The following SBK1 variants were observed in gnomAD, a reference collection of about 807,000 sequenced individuals.
SBK1 encodes the protein SH3 domain binding kinase 1.
A neutral mutation model predicts 24.4 loss-of-function variants in SBK1; 11 were observed. The ratio of observed to expected loss-of-function variants is 0.45; its 90% CI spans 0.28 to 0.75. The LOEUF is 0.75. Ranked by LOEUF, SBK1 falls within the 30% of genes least tolerant of loss-of-function variation. SBK1 has a pLI of 0.12. For missense variants in SBK1, 467 were observed against 620.5 expected, an observed-to-expected ratio of 0.75 and a Z score of 2.63; for synonymous variants, 308 against 284.4, an observed-to-expected ratio of 1.08 and a Z score of -0.83.
At chr16:28,263,615 T>A (rs974907196) in intron 1 of SBK1, among the ~76,000 whole-genome samples, 1 of 152,172 alleles carries the variant, frequency 6.6e-6, no homozygotes, top group African/African-American at 2.4e-5. Context: ...TTGGCACCCA[T>A]GGCGAGGAGA....
In SBK1 at chr16:28,320,991, A is replaced by T; in HGVS notation, c.*70A>T. 1 of 1,277,062 alleles carries T rather than the reference A, an allele frequency of 7.8e-7. No individual in the cohort carries two copies. Among genetic ancestry groups the T allele is most frequent in the Non-Finnish European group, 1.0e-6 (1 of 1,002,320 alleles). 79.1% of individuals were successfully genotyped at this position (1,277,062 alleles called of 1,614,324 possible). On this transcript the variant is annotated 3_prime_UTR_variant, in exon 4 of 4. Coordinates refer to ENST00000341901, the MANE Select transcript of SBK1 (RefSeq NM_001024401.3). This position sits in a 1 kb window ranked among gnomAD's most constrained non-coding sequence, Gnocchi z 8.5. Reference sequence around the variant, plus strand: ...CCGAGCCGGTGCCCGGTGCGGCGGTAGGGAATGGAGCCACCTCGCCGCGGG... The same window carrying T: ...CCGAGCCGGTGCCCGGTGCGGCGGTTGGGAATGGAGCCACCTCGCCGCGGG...
rs1307426175 is a variant in SBK1 at position 28,320,135 on chromosome 16, C to T, written c.489C>T (p.Asp163=). ...TGCAGCAGCTGGGCCTGGCGCTGGACTTCATGCACGGGCGGCAGCTGGTGC... is the reference window on the plus strand; with the variant it reads ...TGCAGCAGCTGGGCCTGGCGCTGGATTTCATGCACGGGCGGCAGCTGGTGC... The part of the protein sequence containing the change: ...RCVQQLGLAL[D]FMHGRQLVHR... Residue 163 remains aspartate, a synonymous_variant, in exon 4 of 4, where the codon GAC becomes GAT. Transcript: ENST00000341901. This position sits in a 1 kb window ranked among gnomAD's most constrained non-coding sequence, Gnocchi z 8.5. The T allele has an allele frequency of 1.9e-6, 3 of 1,580,094 alleles. No homozygotes were observed. Among genetic ancestry groups the T allele is most frequent in the East Asian group, 4.5e-5 (2 of 44,076 alleles).
rs1596555334 is a variant in SBK1, at chr16:28,320,069, C to T, written c.430-7C>T. 4 of 1,479,496 alleles carry T rather than the reference C, an allele frequency of 2.7e-6. No individual in the cohort carries two copies. In the South Asian group the frequency reaches 4.1e-5, roughly 15 times the overall value. The allele number at this position is 1,479,496 out of a possible 1,614,324, so 91.6% of individuals were successfully genotyped here. A position where few individuals can be genotyped will look rare whatever the true frequency, so the allele number is the denominator to read the frequency against. On this transcript the variant is annotated splice_region_variant and splice_polypyrimidine_tract_variant and intron_variant, in intron 3 of 3. Transcript: ENST00000341901. This position sits in a 1 kb window ranked among gnomAD's most constrained non-coding sequence, Gnocchi z 8.5. ...GAAACAGCGCGGCTTCCCCCGGCCG[C>T]CCGCAGGTGGGGCTCCCTGAGGACA...
At chr16:28,265,976 AG>A (rs1289672556) in intron 1 of SBK1, among the ~76,000 whole-genome samples, 6 of 151,522 alleles carry the variant, frequency 4.0e-5, no homozygotes, top group African/African-American at 1.5e-4. Context: ...AAAAAAAAAA[AG>A]AATGCAAACA....
At position 28,304,612 on chromosome 16, in the gene SBK1, T is replaced by G. The variant is rs148877013; in HGVS notation, c.-8+11312T>G. Among the ~76,000 whole-genome samples, 1,030 of 152,248 alleles carry G rather than the reference T, an allele frequency of 6.8e-3. 12 individuals carry two copies. Among genetic ancestry groups the G allele is most frequent in the African/African-American group, 0.024 (987 of 41,540 alleles). On this transcript the variant is annotated intron_variant, in intron 1 of 3. Transcript: ENST00000341901. ...TGGTAATTTTTTTGTTTGTTTGTTT[T>G]TTTGTTTTTTTTTGAGACGGAGTCT...
At chr16:28,290,104 C>T (rs2044589492), upstream of SBK1, among the ~76,000 whole-genome samples, 1 of 150,038 alleles carries the variant, frequency 6.7e-6, no homozygotes, top group Non-Finnish European at 1.5e-5. Flanking sequence ...AAAAAAAAGA[C>T]AGAGGCAGAT....
chr16:28,309,561 A>G (rs1437691123), intron 1 of SBK1, among the ~76,000 whole-genome samples: 3 of 152,122 alleles, frequency 2.0e-5, no homozygotes, highest in Non-Finnish European at 2.9e-5. Context: ...CATGGGAGTT[A>G]GGTGGTATAT....
chr16:28,270,848 TTTATTTATTTA>T (rs2044460688), intron 1 of SBK1, among the ~76,000 whole-genome samples: 5 of 118,022 alleles, frequency 4.2e-5, no homozygotes, highest in Non-Finnish European at 6.4e-5. Context: ...TATTTATTTA[TTTATTTATTTA>T]TTTATTTATT....
chr16:28,289,651 C>G (rs2141573292), upstream of SBK1, among the ~76,000 whole-genome samples: 1 of 151,418 alleles, frequency 6.6e-6, no homozygotes. Flanking sequence ...CCTGTAATCC[C>G]AACTACTTGG....
intron 1 of SBK1, among the ~76,000 whole-genome samples, chr16:28,260,227 A>G (rs1022002469): frequency 2.0e-5 from 3 of 151,946 alleles, no homozygotes; most frequent in African/African-American, 7.3e-5. Context: ...AGTGCTGCAT[A>G]CCTATGTGGA....
Position 28,322,970 on chromosome 16 carries a change from C to CGCTT in SBK1, c.*2049_*2050insGCTT, listed in dbSNP as rs2044868632. The CGCTT allele has an allele frequency of 7.9e-6, 1 of 126,190 alleles. No homozygotes were observed. The highest frequency in any genetic ancestry group is 1.7e-5 in the Non-Finnish European group (1 of 57,514). The allele number at this position is 126,190 out of a possible 1,614,324, so 7.8% of individuals were successfully genotyped here. ...TCTCTCTCTCTCTCTCTCTCTCTCTCTCTCTCTCTCCTCTCTTTCTCTCTC... is the reference window on the plus strand; with the variant it reads ...TCTCTCTCTCTCTCTCTCTCTCTCTCGCTTTCTCTCTCTCCTCTCTTTCTCTCTC... On this transcript the variant is annotated 3_prime_UTR_variant, in exon 4 of 4. Transcript: ENST00000341901.
At chr16:28,301,636 TG>T (rs1250973820) in intron 1 of SBK1, among the ~76,000 whole-genome samples, 1 of 151,950 alleles carries the variant, frequency 6.6e-6, no homozygotes, top group Non-Finnish European at 1.5e-5. Flanking sequence ...GGTTCAGGGG[TG>T]AGATTCAGCA....
At chr16:28,302,965 G>GGC (rs1428002983) in intron 1 of SBK1, among the ~76,000 whole-genome samples, 2 of 151,858 alleles carry the variant, frequency 1.3e-5, no homozygotes, top group South Asian at 2.1e-4. Context: ...AGGGCATGGG[G>GGC]GGGGGTCAGG....
At chr16:28,281,749 C>T (rs768611406) in intron 1 of SBK1, among the ~76,000 whole-genome samples, 12 of 152,144 alleles carry the variant, frequency 7.9e-5, no homozygotes, top group Non-Finnish European at 1.5e-4. Context: ...GCTTAGAACT[C>T]AGCCTGGCAC....
In SBK1 at chr16:28,293,082, CA is replaced by C; in HGVS notation, c.-223del. On this transcript the variant is annotated 5_prime_UTR_variant, in exon 1 of 4. Transcript: ENST00000341901. ...CCCCAACTCCGGTACATAGAAATCC[CA>C]AATCTAGGCAGCCGGGGACAGCAAG... 1.0e-6 allele frequency: 1 copy of C among 985,784 alleles called. No homozygotes were observed. The highest frequency in any genetic ancestry group is 1.2e-6 in the Non-Finnish European group (1 of 830,154). The allele number at this position is 985,784 out of a possible 1,614,324, so 61.1% of individuals were successfully genotyped here. A position where few individuals can be genotyped will look rare whatever the true frequency, so the allele number is the denominator to read the frequency against.
At chr16:28,294,042 C>CT (rs1398603654) in intron 1 of SBK1, among the ~76,000 whole-genome samples, 1 of 152,122 alleles carries the variant, frequency 6.6e-6, no homozygotes. Flanking sequence ...CAACCCAAGT[C>CT]TTTCCCTTCC....
At chr16:28,266,603 C>T (rs988990813) in intron 1 of SBK1, among the ~76,000 whole-genome samples, 22 of 152,062 alleles carry the variant, frequency 1.4e-4, no homozygotes, top group Admixed American at 1.0e-3. Flanking sequence ...CTGGATGCTA[C>T]AGGCAAGAAC....
upstream of SBK1, among the ~76,000 whole-genome samples, chr16:28,287,812 TG>T (rs2044576121): frequency 6.6e-6 from 1 of 152,106 alleles, no homozygotes; most frequent in African/African-American, 2.4e-5. Context: ...TACAGGTGCG[TG>T]CCACCATGCC....
At chr16:28,308,566 GCATGTGC>G (rs1021188995) in intron 1 of SBK1, among the ~76,000 whole-genome samples, 11 of 141,438 alleles carry the variant, frequency 7.8e-5, no homozygotes, top group African/African-American at 2.9e-4. Flanking sequence ...GGGACTATAG[GCATGTGC>G]CACCATGCCC....
Sources: allele counts gnomAD v4.1 joint callset (sites outside exome capture counted in the v4.1 genomes callset), GRCh38; gene constraint gnomAD v4.1.1; non-coding constraint Gnocchi (gnomAD v3.1); transcripts MANE v1.5; gene names NCBI Gene and HGNC (gene_info 2026-07-23, HGNC 2026-07-21).